Variants in HCK observed in about 807,000 individuals in gnomAD.
HCK encodes HCK proto-oncogene, Src family tyrosine kinase.
In HCK, 40 loss-of-function variants were observed where a neutral mutation model predicts 70.4. The ratio of observed to expected loss-of-function variants is 0.57; its 90% confidence interval spans 0.44 to 0.74. HCK has a LOEUF of 0.74. HCK is among the 30% of genes least tolerant of loss of function. The probability of loss-of-function intolerance (pLI) is 0.00; values close to 1 mark genes in which losing one functional copy is unlikely to be tolerated. For missense variants in HCK, 568 were observed against 697.2 expected, an observed-to-expected ratio of 0.81 and a Z score of 2.09; for synonymous variants, 245 against 263.2, an observed-to-expected ratio of 0.93 and a Z score of 0.67.
intron 2 of HCK, 40 bp from the exon 3 acceptor site, chr20:32,073,279 T>TG (rs771165715): frequency 2.9e-5 from 46 of 1,571,310 alleles, no homozygotes; most frequent in African/African-American, 4.1e-5. Flanking sequence ...TCCCCACACA[T>TG]TGGTCAGATT....
chr20:32,075,126 A>G (rs1241360537), intron 5 of HCK, among the ~76,000 whole-genome samples: 2 of 152,182 alleles, frequency 1.3e-5, no homozygotes, highest in African/African-American at 4.8e-5. Context: ...AATGAAGCAC[A>G]CGGTCTTGCC....
At chr20:32,075,706 TCATCCATCCATCCATCCATCCATC>T (rs56660439) in intron 5 of HCK, among the ~76,000 whole-genome samples, 2 of 150,358 alleles carry the variant, frequency 1.3e-5, no homozygotes, top group African/African-American at 4.9e-5. Context: ...ATCCATCCAT[TCATCCATCCATCCATCCATCCATC>T]CATCCATCCA....
intron 11 of HCK, among the ~76,000 whole-genome samples, chr20:32,097,567 C>G (rs969730768): frequency 6.6e-6 from 1 of 151,752 alleles, no homozygotes; most frequent in Admixed American, 6.6e-5. Context: ...GCAAACAGAG[C>G]GAGACCCTGT....
intron 1 of HCK, among the ~76,000 whole-genome samples, chr20:32,064,341 CACAGATCCACCTCT>C (rs2045425343): frequency 6.6e-6 from 1 of 152,166 alleles, no homozygotes. Flanking sequence ...TTGATTTGGT[CACAGATCCACCTCT>C]ACAGCCAGGG....
intron 12 of HCK, among the ~76,000 whole-genome samples, chr20:32,099,350 CTTTTTTTTTTTT>C (rs71336559): frequency 1.2e-5 from 1 of 85,134 alleles, no homozygotes; most frequent in Non-Finnish European, 2.0e-5. Flanking sequence ...ACTCCTATGA[CTTTTTTTTTTTT>C]TTTTTTTTTT....
intron 5 of HCK, among the ~76,000 whole-genome samples, chr20:32,076,623 TG>T (rs947777384): frequency 2.0e-5 from 3 of 152,124 alleles, no homozygotes; most frequent in South Asian, 2.1e-4. Context: ...ATAACCTAGA[TG>T]GGGGGTTCTC....
At chr20:32,060,329 TCC>T (rs2045349904) in intron 1 of HCK, among the ~76,000 whole-genome samples, 1 of 152,208 alleles carries the variant, frequency 6.6e-6, no homozygotes, top group South Asian at 2.1e-4. Flanking sequence ...CAAGCAATTC[TCC>T]TGCCTTAGCC....
chr20:32,061,158 A>AT (rs1276687337), intron 1 of HCK, among the ~76,000 whole-genome samples: 2 of 152,052 alleles, frequency 1.3e-5, no homozygotes, highest in Non-Finnish European at 2.9e-5. Context: ...TAATTTTTGT[A>AT]TTTTTAGTAG....
At position 32,088,654 on chromosome 20, in the gene HCK, T is replaced by G; in HGVS notation, c.1092+10T>G. 6.2e-7 allele frequency: 1 copy of G among 1,609,096 alleles called. No homozygotes were observed. The highest frequency in any genetic ancestry group is 8.5e-7 in the Non-Finnish European group (1 of 1,176,244). On this transcript the variant is annotated intron_variant, in intron 10 of 12. Coordinates refer to ENST00000375852, the MANE Select transcript of HCK (RefSeq NM_002110.5). ...TGACTTCTCAGCCCAGGTGAGAGCC[T>G]AACGAGGAAACGGGGAAGGGAAACA... is the stretch of plus-strand genomic sequence containing the variant.
At chr20:32,056,893 G>A (rs2045280762) in intron 1 of HCK, among the ~76,000 whole-genome samples, 1 of 152,108 alleles carries the variant, frequency 6.6e-6, no homozygotes, top group Non-Finnish European at 1.5e-5. Flanking sequence ...CTGGCACATA[G>A]TAGGGCCTCA....
chr20:32,078,201 ATTTTT>A (rs1196535364), intron 5 of HCK, among the ~76,000 whole-genome samples: 2 of 134,638 alleles, frequency 1.5e-5, no homozygotes, highest in East Asian at 4.4e-4. Context: ...TGCTCGGCTA[ATTTTT>A]TTTTTTTTTT....
chr20:32,065,980 G>A (rs1168445477), intron 1 of HCK, among the ~76,000 whole-genome samples: 3 of 152,102 alleles, frequency 2.0e-5, no homozygotes, highest in Non-Finnish European at 4.4e-5. Context: ...TTCTGATTTG[G>A]GAAGTGGGGA....
chr20:32,092,064 C>T (rs1262245302), intron 10 of HCK, among the ~76,000 whole-genome samples: 4 of 152,078 alleles, frequency 2.6e-5, no homozygotes, highest in Admixed American at 2.0e-4. Flanking sequence ...TGCTGTCCAC[C>T]CCTTGCAAGT....
chr20:32,063,819 G>T (rs911326082), intron 1 of HCK, among the ~76,000 whole-genome samples: 1 of 151,346 alleles, frequency 6.6e-6, no homozygotes, highest in African/African-American at 2.4e-5. Flanking sequence ...AGAAGAAGGA[G>T]GTTACTGGAA....
chr20:32,090,716 G>A lies in HCK; in HGVS notation c.1092+2072G>A, dbSNP rs145864344. ...TATCTGGGGGTCATGAAATCTCACC[G>A]CCTTTATCAACCCGCAGTGCTTACA... On this transcript the variant is annotated intron_variant, in intron 10 of 12. Coordinates refer to ENST00000375852, the MANE Select transcript of HCK (RefSeq NM_002110.5). 6.2e-4 allele frequency among the ~76,000 whole-genome samples: 95 copies of A among 152,160 alleles called. 2 individuals are homozygous for A. Among genetic ancestry groups the A allele is most frequent in the East Asian group, 4.6e-3 (24 of 5,172 alleles).
At chr20:32,100,323 G>A (rs1600754318) in intron 12 of HCK, among the ~76,000 whole-genome samples, 1 of 152,226 alleles carries the variant, frequency 6.6e-6, no homozygotes, top group Non-Finnish European at 1.5e-5. Context: ...GAACAGGGTG[G>A]CAGCCAGTGA....
rs2045756308 is a variant in HCK, at chr20:32,084,548, G to A, written c.835+5G>A. On this transcript the variant is annotated splice_donor_5th_base_variant and intron_variant, in intron 8 of 12. Coordinates refer to ENST00000375852, the MANE Select transcript of HCK (RefSeq NM_002110.5). ...AGTTTGGGGAAGTCTGGATGGGTAAGGACCCAGGGCCACAGCCCACAGGGC... is the reference window on the plus strand; with the variant it reads ...AGTTTGGGGAAGTCTGGATGGGTAAAGACCCAGGGCCACAGCCCACAGGGC... 2 of 1,612,116 alleles carry A rather than the reference G, an allele frequency of 1.2e-6. No homozygotes were observed. The highest frequency in any genetic ancestry group is 8.5e-7 in the Non-Finnish European group (1 of 1,179,070).
Position 32,101,303 on chromosome 20 carries a change from C to A in HCK, c.1379-14C>A, listed in dbSNP as rs75265826. ...CCAACTGCTTCCGTTTCTAATTCCA[C>A]GGCTCCTTTTCAGGGATGTCAAACC... On this transcript the variant is annotated splice_polypyrimidine_tract_variant and intron_variant, in intron 12 of 12. Coordinates refer to ENST00000375852, the MANE Select transcript of HCK (RefSeq NM_002110.5). 4 of 1,612,130 alleles carry A rather than the reference C, an allele frequency of 2.5e-6. No homozygotes were observed. The highest frequency in any genetic ancestry group is 3.4e-6 in the Non-Finnish European group (4 of 1,178,964).
intron 10 of HCK, among the ~76,000 whole-genome samples, chr20:32,090,483 T>TG (rs1377496356): frequency 6.6e-6 from 1 of 152,186 alleles, no homozygotes; most frequent in East Asian, 1.9e-4. Flanking sequence ...GCTGCATATA[T>TG]ACAAACAGGT....
Sources: gnomAD v4.1 joint callset for allele counts (sites outside exome capture counted in the v4.1 genomes callset) on GRCh38, gnomAD v4.1.1 for gene constraint, MANE v1.5 for transcripts, NCBI Gene and HGNC (gene_info 2026-07-23, HGNC 2026-07-21) for gene names.